Variants in SLC5A8 observed in about 807,000 individuals in gnomAD.
SLC5A8 encodes the protein solute carrier family 5 member 8.
SLC5A8 carries 55 observed loss-of-function variants against 71.9 expected under a neutral mutation model. That is an observed-to-expected ratio of 0.77 (90% CI 0.62 to 0.96). The LOEUF (loss-of-function observed/expected upper bound fraction) is 0.96. Among genes scored for constraint, SLC5A8 ranks in the 40% least tolerant of loss-of-function variants. The pLI is 0.00. For missense variants in SLC5A8, 701 were observed against 745.3 expected (o/e 0.94, Z 0.69); for synonymous variants, 307 against 276.1 (o/e 1.11, Z -1.11).
rs778287091 is a variant in SLC5A8, at chr12:101,184,182, G to T, written c.1004C>A (p.Pro335Gln). The change falls in exon 8 of 15, where the codon CCA becomes CAA. Residue 335 changes from proline to glutamine, a missense_variant. By Grantham distance (76) the Pro-to-Gln change is moderately conservative. Coordinates refer to ENST00000536262, the MANE Select transcript of SLC5A8 (RefSeq NM_145913.5). ...GGCCACAAAAAGTCCAGGAAGTCCT[G>T]GATAATCTTGCAGAATGTCCAGTAC... ...YLVLDILQDY[P>Q]GLPGLFVACA... 1 of 1,614,112 alleles carries T rather than the reference G, an allele frequency of 6.2e-7. No homozygotes were observed. Among genetic ancestry groups the T allele is most frequent in the Non-Finnish European group, 8.5e-7 (1 of 1,180,012 alleles).
At position 101,158,250 on chromosome 12, in the gene SLC5A8, T is replaced by G. The variant is rs773819733; in HGVS notation, c.1709A>C (p.Lys570Thr). 5.7e-6 allele frequency: 9 copies of G among 1,577,602 alleles called. No homozygotes were observed. The South Asian group carries it at 1.0e-4, about 18-fold the overall frequency. Residue 570 changes from lysine (K) to threonine (T), a missense_variant and splice_region_variant, in exon 14 of 15, where the codon AAA (lysine) becomes ACA (threonine). Physicochemically the swap from Lys to Thr is moderately conservative, Grantham distance 78. Coordinates refer to ENST00000536262, the MANE Select transcript of SLC5A8 (RefSeq NM_145913.5). ...DFLSNFDIFK[K>T]KKHVLSYKSH... ...CAAGGTAAATGAAAGCCAACTCACT[T>G]TCTTAAAAATATCAAAATTGGATAA...
chr12:101,209,182 A>T (rs989030162), intron 1 of SLC5A8, among the ~76,000 whole-genome samples: 1 of 152,210 alleles, frequency 6.6e-6, no homozygotes, highest in Non-Finnish European at 1.5e-5. Context: ...GGAATCAAAG[A>T]TGCTAAAGGT....
At chr12:101,193,217 C>A (rs1868998106) in intron 5 of SLC5A8, among the ~76,000 whole-genome samples, 2 of 152,168 alleles carry the variant, frequency 1.3e-5, no homozygotes, top group South Asian at 4.1e-4. Flanking sequence ...AGGTGATCCA[C>A]CCACCTTGGC....
intron 10 of SLC5A8, among the ~76,000 whole-genome samples, chr12:101,177,780 G>A (rs2051894660): frequency 6.6e-6 from 1 of 152,110 alleles, no homozygotes; most frequent in South Asian, 2.1e-4. Context: ...AAAAAAATAG[G>A]AATAGAGAAT....
At chr12:101,165,262 A>G (rs535986701) in intron 12 of SLC5A8, among the ~76,000 whole-genome samples, 2 of 152,342 alleles carry the variant, frequency 1.3e-5, no homozygotes, top group African/African-American at 4.8e-5. Context: ...AATAAACTTC[A>G]GCTAATTTAT....
chr12:101,169,052 C>T (rs556793761), intron 10 of SLC5A8, among the ~76,000 whole-genome samples: 1 of 152,226 alleles, frequency 6.6e-6, no homozygotes, highest in African/African-American at 2.4e-5. Flanking sequence ...GGATGTGGTA[C>T]TGAGTAGAGA....
At chr12:101,174,576 A>G (rs2051861570) in intron 10 of SLC5A8, among the ~76,000 whole-genome samples, 1 of 152,202 alleles carries the variant, frequency 6.6e-6, no homozygotes, top group South Asian at 2.1e-4. Context: ...TCTAAGGTTT[A>G]TGAAAGCTGC....
chr12:101,191,547 C>T (rs1440926367), intron 5 of SLC5A8, among the ~76,000 whole-genome samples: 1 of 152,172 alleles, frequency 6.6e-6, no homozygotes. Context: ...GACCCTTTCT[C>T]CCCAAGAGAG....
chr12:101,163,094 T>G (rs1379294273), intron 12 of SLC5A8, among the ~76,000 whole-genome samples: 2 of 152,146 alleles, frequency 1.3e-5, no homozygotes, highest in African/African-American at 4.8e-5. Context: ...ACCAGCTGAC[T>G]GAGGCACAGT....
At chr12:101,166,730 A>G (rs1297903282) in intron 11 of SLC5A8, 31 bp from the exon 12 acceptor site, 12 of 1,539,456 alleles carry the variant, frequency 7.8e-6, no homozygotes, top group Non-Finnish European at 1.0e-5. Context: ...TAAAAGAAAA[A>G]TAATACAATT....
chr12:101,185,333 C>T (rs1039093741), intron 7 of SLC5A8, among the ~76,000 whole-genome samples: 1 of 152,146 alleles, frequency 6.6e-6, no homozygotes, highest in Non-Finnish European at 1.5e-5. Flanking sequence ...AAAGTAGGTT[C>T]CATCTATAGT....
chr12:101,204,715 A>G, intron 1 of SLC5A8, 150 bp from the exon 2 acceptor site: 1 of 614,480 alleles, frequency 1.6e-6, no homozygotes, highest in South Asian at 2.2e-5. Context: ...TTATTTATAC[A>G]CAGCAAAATT....
At chr12:101,196,058 T>C (rs2671441) in intron 3 of SLC5A8, among the ~76,000 whole-genome samples, 1 of 151,904 alleles carries the variant, frequency 6.6e-6, no homozygotes, top group African/African-American at 2.4e-5. Flanking sequence ...ACATAGGTGA[T>C]CTTGTGTCAT....
chr12:101,177,693 A>G (rs191922838), intron 10 of SLC5A8, among the ~76,000 whole-genome samples: 73 of 152,182 alleles, frequency 4.8e-4, no homozygotes, highest in African/African-American at 1.8e-3. Flanking sequence ...AAAGAAGAAG[A>G]TCACATGATC....
intron 3 of SLC5A8, among the ~76,000 whole-genome samples, chr12:101,200,779 T>C (rs574473667): frequency 1.3e-5 from 2 of 152,148 alleles, no homozygotes; most frequent in Admixed American, 1.3e-4. Context: ...AATATTAACA[T>C]AGAGTGATGA....
intron 7 of SLC5A8, among the ~76,000 whole-genome samples, chr12:101,185,106 C>T (rs1489518256): frequency 6.6e-6 from 1 of 152,166 alleles, no homozygotes; most frequent in Admixed American, 6.5e-5. Context: ...ATAGTGTGCT[C>T]ATGGGATATG....
Position 101,166,600 on chromosome 12 carries a change from G to A in SLC5A8, c.1420C>T (p.His474Tyr). ...CTGTTACAGCCTTGGATATCAAGGT[G>A]CAATGGCAATGTTCTCTCAGGAAGT... is the stretch of plus-strand genomic sequence containing the variant. ...PPLPERTLPL[H>Y]LDIQGCNSTY... is the part of the protein sequence containing the mutation. Residue 474 changes from histidine (H) to tyrosine (Y), a missense_variant, in exon 12 of 15, where the codon CAC (histidine) becomes TAC (tyrosine). Coordinates refer to ENST00000536262, the MANE Select transcript of SLC5A8 (RefSeq NM_145913.5). The A allele has an allele frequency of 6.2e-7, 1 of 1,613,994 alleles. No homozygotes were observed. Among genetic ancestry groups the A allele is most frequent in the Non-Finnish European group, 8.5e-7 (1 of 1,179,962 alleles).
intron 10 of SLC5A8, among the ~76,000 whole-genome samples, chr12:101,178,291 G>C (rs2051899779): frequency 6.6e-6 from 1 of 152,082 alleles, no homozygotes; most frequent in South Asian, 2.1e-4. Flanking sequence ...TGTAGATACA[G>C]ACAAGATTAT....
At chr12:101,174,502 G>T (rs1461874827) in intron 10 of SLC5A8, among the ~76,000 whole-genome samples, 2 of 152,122 alleles carry the variant, frequency 1.3e-5, no homozygotes, top group East Asian at 3.9e-4. Flanking sequence ...TTTAGTCCAG[G>T]TTAGTTACCA....
Sources: allele counts gnomAD v4.1 joint callset (sites outside exome capture counted in the v4.1 genomes callset), GRCh38; gene constraint gnomAD v4.1.1; transcripts MANE v1.5; gene names NCBI Gene and HGNC (gene_info 2026-07-23, HGNC 2026-07-21).